Variants in AGMO observed in about 807,000 individuals in gnomAD.
AGMO encodes glyceryl-ether monooxygenase.
Under a neutral mutation model 60.2 loss-of-function variants are expected in AGMO, and 75 were observed. That is an observed-to-expected ratio of 1.25 (90% CI 1.03 to 1.51). The LOEUF is 1.51. Ranked by LOEUF, AGMO falls within the 40% of genes most tolerant of loss-of-function variation. The pLI is 0.00. For synonymous variants in AGMO, 261 were observed against 177.1 expected (o/e 1.47, Z -3.76); for missense variants, 763 against 525.5 (o/e 1.45, Z -4.42).
chr7:15,501,306 A>G (rs546828377), intron 3 of AGMO, among the ~76,000 whole-genome samples: 2 of 152,128 alleles, frequency 1.3e-5, no homozygotes, highest in African/African-American at 4.8e-5. Context: ...TAAAATTTTC[A>G]TAGGTGAAAT....
chr7:15,531,053 A>G (rs1583654050), intron 3 of AGMO, among the ~76,000 whole-genome samples: 2 of 103,804 alleles, frequency 1.9e-5, no homozygotes, highest in Non-Finnish European at 3.6e-5. Flanking sequence ...TATATTCTAT[A>G]TATATTCTGT....
At chr7:15,427,560 T>G (rs1322316287) in intron 4 of AGMO, among the ~76,000 whole-genome samples, 2 of 152,220 alleles carry the variant, frequency 1.3e-5, no homozygotes, top group Non-Finnish European at 2.9e-5. Flanking sequence ...CTTTAGTGCC[T>G]TTGCTCTGAA....
intron 12 of AGMO, among the ~76,000 whole-genome samples, chr7:15,266,269 A>G (rs891955376): frequency 1.6e-4 from 24 of 152,070 alleles, no homozygotes; most frequent in Non-Finnish European, 3.5e-4. Context: ...TAGTTTTGCA[A>G]GATGAAAAGA....
At chr7:15,362,912 A>G (rs1329554880) in intron 12 of AGMO, among the ~76,000 whole-genome samples, 55 of 152,202 alleles carry the variant, frequency 3.6e-4, no homozygotes, top group Non-Finnish European at 2.9e-5. Flanking sequence ...TACCTTGATC[A>G]TTAAGAGTTA....
chr7:15,547,894 C>G (rs972267571), intron 2 of AGMO, among the ~76,000 whole-genome samples: 72 of 152,186 alleles, frequency 4.7e-4, no homozygotes, highest in Non-Finnish European at 9.3e-4. Context: ...CAGCAGTAAC[C>G]TCTGCAGACT....
intron 3 of AGMO, among the ~76,000 whole-genome samples, chr7:15,509,148 A>T (rs749501788): frequency 3.8e-4 from 58 of 152,308 alleles, no homozygotes; most frequent in Non-Finnish European, 6.6e-4. Context: ...AGACTAAGTA[A>T]TATAATTAAG....
the AGMO span, among the ~76,000 whole-genome samples, chr7:15,149,706 G>T: frequency 2.6e-5 from 4 of 152,064 alleles, no homozygotes; most frequent in African/African-American, 9.7e-5. Context: ...TGCTGTTTTG[G>T]TTATTACAGC....
Position 15,433,210 on chromosome 7 carries a change from T to C in AGMO, c.410-2102A>G, listed in dbSNP as rs79946779. Among the ~76,000 whole-genome samples, 1,406 of 152,184 alleles carry C rather than the reference T, an allele frequency of 9.2e-3. 21 individuals are homozygous for C. Among genetic ancestry groups the C allele is most frequent in the African/African-American group, 0.033 (1,351 of 41,522 alleles). Reference sequence around the variant, plus strand: ...GAGGTTCCATTAGAGAGTCATAATATATATTGGGAGCCACTTCCTTATACC... The same window carrying C: ...GAGGTTCCATTAGAGAGTCATAATACATATTGGGAGCCACTTCCTTATACC... On this transcript the variant is annotated intron_variant, in intron 3 of 12. Transcript: ENST00000342526.
At chr7:15,483,622 C>T (rs185604497) in intron 3 of AGMO, among the ~76,000 whole-genome samples, 1 of 151,946 alleles carries the variant, frequency 6.6e-6, no homozygotes, top group Non-Finnish European at 1.5e-5. Flanking sequence ...ATTTCTAGGA[C>T]TAAAACTAGC....
At chr7:15,194,389 A>T in the AGMO span, among the ~76,000 whole-genome samples, 5 of 152,192 alleles carry the variant, frequency 3.3e-5, no homozygotes, top group East Asian at 7.7e-4. Flanking sequence ...AAAAAAGAAA[A>T]ATATATATAA....
the AGMO span, among the ~76,000 whole-genome samples, chr7:15,125,864 A>G: frequency 6.6e-6 from 1 of 152,126 alleles, no homozygotes; most frequent in Non-Finnish European, 1.5e-5. Context: ...GTGAATCTCA[A>G]TTTTCTTATG....
Position 15,387,439 on chromosome 7 carries a change from T to A in AGMO, c.924A>T (p.Lys308Asn). 6.2e-7 allele frequency: 1 copy of A among 1,614,014 alleles called. No homozygotes were observed. ...IFKGPGWGPG[K>N]PRLGLSEEIP... ...TTTCTTCACTGAGACCAAGTCTTGG[T>A]TTACCTGGACCCCATCCCGGTCCCT... The change falls in exon 9 of 13, where the codon AAA (lysine) becomes AAT (asparagine). Residue 308 changes from lysine to asparagine, a missense_variant. Lys to Asn is a moderately conservative substitution (Grantham distance 94). Transcript: ENST00000342526.
chr7:15,283,499 T>C (rs1318724377), intron 12 of AGMO, among the ~76,000 whole-genome samples: 1 of 152,064 alleles, frequency 6.6e-6, no homozygotes, highest in Non-Finnish European at 1.5e-5. Context: ...GGTCATTATA[T>C]AATGATAAAA....
rs1323911455 is a variant in AGMO at position 15,243,505 on chromosome 7, TA to T, written c.1264-42147del. On this transcript the variant is annotated intron_variant, in intron 12 of 12. Transcript: ENST00000342526. The stretch of plus-strand genomic sequence containing the variant: ...TTTTCTAGTGTTGGCGTATGACGGA[TA>T]GCTATGGATAATGTAAACGTCACTT... Among the ~76,000 whole-genome samples, 3 of 152,286 alleles carry T rather than the reference TA, an allele frequency of 2.0e-5. No homozygotes were observed. In the East Asian group the frequency reaches 5.8e-4, roughly 29 times the overall value.
chr7:15,123,496 A>G, the AGMO span, among the ~76,000 whole-genome samples: 2 of 152,186 alleles, frequency 1.3e-5, no homozygotes, highest in Middle Eastern at 6.8e-3. Context: ...GGATGAATGA[A>G]TCATGAATGA....
chr7:15,247,950 G>C (rs1045677551), intron 12 of AGMO, among the ~76,000 whole-genome samples: 1 of 151,382 alleles, frequency 6.6e-6, no homozygotes, highest in Non-Finnish European at 1.5e-5. Context: ...TGTATTGAGG[G>C]AAGAGGAAGA....
chr7:15,361,974 T>G (rs928423772), intron 12 of AGMO, among the ~76,000 whole-genome samples: 1 of 152,146 alleles, frequency 6.6e-6, no homozygotes, highest in African/African-American at 2.4e-5. Context: ...GAAAGGGGAT[T>G]TATTGCTTCA....
chr7:15,389,519 AAGAAG>A (rs1784054578), intron 8 of AGMO, among the ~76,000 whole-genome samples: 1 of 152,198 alleles, frequency 6.6e-6, no homozygotes, highest in African/African-American at 2.4e-5. Flanking sequence ...GTTGAGAAGA[AAGAAG>A]AGAGATAACC....
intron 4 of AGMO, among the ~76,000 whole-genome samples, chr7:15,425,742 A>G (rs11974178): frequency 6.6e-6 from 1 of 151,956 alleles, no homozygotes; most frequent in Non-Finnish European, 1.5e-5. Flanking sequence ...ACCCAGCCCA[A>G]TTGTATTTAT....
Sources: allele counts gnomAD v4.1 joint callset (sites outside exome capture counted in the v4.1 genomes callset), GRCh38; gene constraint gnomAD v4.1.1; transcripts MANE v1.5; gene names NCBI Gene and HGNC (gene_info 2026-07-23, HGNC 2026-07-21).